GLS: variants seen among roughly 807,000 people sequenced by gnomAD.
GLS encodes glutaminase, also known as glutaminase kidney isoform, mitochondrial.
In GLS, 36 loss-of-function variants were observed where a neutral mutation model predicts 86.7. The observed-to-expected ratio is 0.42, with a 90% CI of 0.32 to 0.55. The LOEUF is 0.55. Among genes scored for constraint, GLS ranks in the 20% least tolerant of loss-of-function variants. The pLI, the probability that GLS is intolerant of heterozygous loss-of-function variation, is 0.17. For missense variants in GLS, 528 were observed against 833.4 expected, an observed-to-expected ratio of 0.63 and a Z score of 4.51; for synonymous variants, 317 against 305.9, an observed-to-expected ratio of 1.04 and a Z score of -0.38.
chr2:190,909,734 C>T (rs567565531), intron 6 of GLS, among the ~76,000 whole-genome samples: 2 of 152,102 alleles, frequency 1.3e-5, no homozygotes, highest in Non-Finnish European at 2.9e-5. Flanking sequence ...TCAGGAAATA[C>T]AGAAAGCCTA....
Position 190,955,213 on chromosome 2 carries a change from G to T in GLS, c.1853+395G>T, listed in dbSNP as rs1690831975. Among the ~76,000 whole-genome samples, 1 of 152,102 alleles carries T rather than the reference G, an allele frequency of 6.6e-6. No individual in the cohort carries two copies. Among genetic ancestry groups the T allele is most frequent in the East Asian group, 1.9e-4 (1 of 5,200 alleles). On this transcript the variant is annotated intron_variant, in intron 17 of 17. Coordinates refer to ENST00000320717, the MANE Select transcript of GLS (RefSeq NM_014905.5). This position sits in a 1 kb window ranked among gnomAD's most constrained non-coding sequence, Gnocchi z 5.6. ...TGTTACATGGGTATATAAGTGCCAT[G>T]GTGGTTTGCTGCACCCATCAACCCA...
chr2:190,918,505 AT>A (rs547604862), intron 7 of GLS, among the ~76,000 whole-genome samples: 8 of 148,566 alleles, frequency 5.4e-5, no homozygotes, highest in African/African-American at 9.9e-5. Context: ...AGCTAGTTTC[AT>A]TTTTTTTTTA....
chr2:190,927,949 T>G (rs1232952262), intron 12 of GLS, among the ~76,000 whole-genome samples: 1 of 152,198 alleles, frequency 6.6e-6, no homozygotes. Flanking sequence ...GTAAAGTATA[T>G]AGACTTTTTT....
In GLS at chr2:190,938,948, T is replaced by C. The variant is rs912065226; in HGVS notation, c.1650+7311T>C. Among the ~76,000 whole-genome samples, 1 of 151,754 alleles carries C rather than the reference T, an allele frequency of 6.6e-6. No individual in the cohort carries two copies. Among genetic ancestry groups the C allele is most frequent in the African/African-American group, 2.4e-5 (1 of 41,450 alleles). On this transcript the variant is annotated intron_variant, in intron 14 of 17. Coordinates refer to ENST00000320717, the MANE Select transcript of GLS (RefSeq NM_014905.5). This position sits in a 1 kb window ranked among gnomAD's most constrained non-coding sequence, Gnocchi z 4.1. ...GAAAACTGTAGCAGAAATGTAAATCTAAAAATAAATGTTACATCACTGGCT... is the reference window on the plus strand; with the variant it reads ...GAAAACTGTAGCAGAAATGTAAATCCAAAAATAAATGTTACATCACTGGCT...
Position 190,965,098 on chromosome 2 carries a change from G to A in GLS, c.*2112G>A, listed in dbSNP as rs1691092851. 6.6e-6 allele frequency: 1 copy of A among 152,354 alleles called. No homozygotes were observed. The highest frequency in any genetic ancestry group is 2.1e-4 in the South Asian group (1 of 4,832). The allele number at this position is 152,354 out of a possible 1,614,324, so 9.4% of individuals were successfully genotyped here. ...TAATAATATATTTGATTTAAATGCTGTTGACTGTGCTATTAACTGCTGCCG... is the reference window on the plus strand; with the variant it reads ...TAATAATATATTTGATTTAAATGCTATTGACTGTGCTATTAACTGCTGCCG... On this transcript the variant is annotated 3_prime_UTR_variant, in exon 18 of 18. Transcript: ENST00000320717. This position sits in a 1 kb window ranked among gnomAD's most constrained non-coding sequence, Gnocchi z 5.0.
rs977723062 is a variant in GLS at position 190,914,192 on chromosome 2, TTCTTTC to T, written c.1038+3877_1038+3882del. 1.2e-4 allele frequency among the ~76,000 whole-genome samples: 19 copies of T among 152,214 alleles called. No homozygotes were observed. The highest frequency in any genetic ancestry group is 4.1e-4 in the African/African-American group (17 of 41,442). ...TGAATTTTAAAAATTAGGGTTTTTT[TTCTTTC>T]TCTTTAAACAATTTGTAATCATACT... is the stretch of plus-strand genomic sequence containing the variant. On this transcript the variant is annotated intron_variant, in intron 7 of 17. Coordinates refer to ENST00000320717, the MANE Select transcript of GLS (RefSeq NM_014905.5). The surrounding 1 kb of genome is among the most constrained non-coding windows in gnomAD (Gnocchi z 4.4).
chr2:190,962,263 T>C lies in GLS; in HGVS notation c.1854-567T>C, dbSNP rs1691022007. ...TGGTGTAGTGGTCCGATTGAGTCCA[T>C]GGCTTCCCAGCCTTACCAGAGGTGA... On this transcript the variant is annotated intron_variant, in intron 17 of 17. Transcript: ENST00000320717. This position sits in a 1 kb window ranked among gnomAD's most constrained non-coding sequence, Gnocchi z 4.2. Among the ~76,000 whole-genome samples the C allele has an allele frequency of 6.6e-6, 1 of 152,214 alleles. No homozygotes were observed. The highest frequency in any genetic ancestry group is 2.1e-4 in the South Asian group (1 of 4,828).
chr2:190,942,415 A>G (rs1465541805), intron 14 of GLS, among the ~76,000 whole-genome samples: 1 of 152,086 alleles, frequency 6.6e-6, no homozygotes, highest in Non-Finnish European at 1.5e-5. Flanking sequence ...GGAGAGAATG[A>G]TTTGGTTTTT....
rs780087383 is a variant in GLS, at chr2:190,921,148, A to G, written c.1075A>G (p.Met359Val). ...ATTCCCTACTTTTGGTTTCTAGGTC[A>G]TGCAGTTTTTGAATAAGATGGCTGG... The part of the protein sequence containing the change: ...VNNAEKFDYV[M>V]QFLNKMAGNE... Residue 359 changes from methionine to valine, a missense_variant, in exon 9 of 18, where the codon ATG becomes GTG. Physicochemically the swap from Met to Val is conservative, Grantham distance 21 (BLOSUM62 1). Around this residue, in one of 4 missense-constraint regions of GLS, gnomAD observed 163 missense variants for 429.2 expected, o/e 0.38. Coordinates refer to ENST00000320717, the MANE Select transcript of GLS (RefSeq NM_014905.5). This position sits in a 1 kb window ranked among gnomAD's most constrained non-coding sequence, Gnocchi z 4.2. The G allele has an allele frequency of 5.6e-6, 9 of 1,607,242 alleles. No individual in the cohort carries two copies. Among genetic ancestry groups the G allele is most frequent in the African/African-American group, 1.3e-5 (1 of 74,730 alleles).
chr2:190,892,736 G>C (rs1688606418), intron 1 of GLS, among the ~76,000 whole-genome samples: 1 of 152,134 alleles, frequency 6.6e-6, no homozygotes, highest in South Asian at 2.1e-4. Flanking sequence ...ATCAAAATCT[G>C]AGGTTTCAAA....
intron 5 of GLS, among the ~76,000 whole-genome samples, chr2:190,902,606 G>T (rs771889076): frequency 6.6e-6 from 1 of 152,150 alleles, no homozygotes; most frequent in African/African-American, 2.4e-5. Context: ...ATGTGAGGGC[G>T]CTTTAGAAAG....
At position 190,947,896 on chromosome 2, in the gene GLS, G is replaced by A. The variant is rs980274992; in HGVS notation, c.1651-5669G>A. On this transcript the variant is annotated intron_variant, in intron 14 of 17. Coordinates refer to ENST00000320717, the MANE Select transcript of GLS (RefSeq NM_014905.5). The surrounding 1 kb of genome is among the most constrained non-coding windows in gnomAD (Gnocchi z 5.0). ...TCCAGAGGGTGTGTCAGCTTAGTTGGAAATACTCGTGGCGCTCTTTAACAG... is the reference window on the plus strand; with the variant it reads ...TCCAGAGGGTGTGTCAGCTTAGTTGAAAATACTCGTGGCGCTCTTTAACAG... Among the ~76,000 whole-genome samples, 1 of 152,134 alleles carries A rather than the reference G, an allele frequency of 6.6e-6. No homozygotes were observed. The highest frequency in any genetic ancestry group is 2.4e-5 in the African/African-American group (1 of 41,432).
intron 14 of GLS, among the ~76,000 whole-genome samples, chr2:190,946,143 A>C (rs1031357417): frequency 3.9e-5 from 6 of 152,214 alleles, no homozygotes; most frequent in Non-Finnish European, 8.8e-5. Context: ...GAAAGAGGAA[A>C]TATCTTCAAT....
chr2:190,917,835 T>A (rs754490156), intron 7 of GLS, among the ~76,000 whole-genome samples: 1 of 152,054 alleles, frequency 6.6e-6, no homozygotes, highest in Non-Finnish European at 1.5e-5. Flanking sequence ...ACACCTGTAA[T>A]CTCAGCACTT....
Position 190,962,343 on chromosome 2 carries a change from T to A in GLS, c.1854-487T>A, listed in dbSNP as rs1489247700. Among the ~76,000 whole-genome samples the A allele has an allele frequency of 1.3e-5, 2 of 152,226 alleles. No homozygotes were observed. Among genetic ancestry groups the A allele is most frequent in the Non-Finnish European group, 2.9e-5 (2 of 68,032 alleles). ...TTGCTCCTCCAGTGTGTTTTAGCCCTAATGAGGTCATGGTTATTTCTAGAC... is the reference window on the plus strand; with the variant it reads ...TTGCTCCTCCAGTGTGTTTTAGCCCAAATGAGGTCATGGTTATTTCTAGAC... On this transcript the variant is annotated intron_variant, in intron 17 of 17. Coordinates refer to ENST00000320717, the MANE Select transcript of GLS (RefSeq NM_014905.5). The surrounding 1 kb of genome is among the most constrained non-coding windows in gnomAD (Gnocchi z 4.2).
At chr2:190,936,452 C>T (rs112631218) in intron 14 of GLS, among the ~76,000 whole-genome samples, 3,887 of 151,196 alleles carry the variant, frequency 0.026, 173 homozygotes, top group African/African-American at 0.087. Flanking sequence ...ACATTGTGTA[C>T]TATGTATAAA....
chr2:190,885,585 G>C (rs1240796416), intron 1 of GLS, among the ~76,000 whole-genome samples: 1 of 152,174 alleles, frequency 6.6e-6, no homozygotes, highest in African/African-American at 2.4e-5. Flanking sequence ...AGTTGAGTTA[G>C]TATTTGGCAG....
chr2:190,938,744 GTAGT>G lies in GLS; in HGVS notation c.1650+7110_1650+7113del, dbSNP rs1322548965. Among the ~76,000 whole-genome samples the G allele has an allele frequency of 6.6e-6, 1 of 151,668 alleles. No homozygotes were observed. Among genetic ancestry groups the G allele is most frequent in the Non-Finnish European group, 1.5e-5 (1 of 67,642 alleles). On this transcript the variant is annotated intron_variant, in intron 14 of 17. Coordinates refer to ENST00000320717, the MANE Select transcript of GLS (RefSeq NM_014905.5). The surrounding 1 kb of genome is among the most constrained non-coding windows in gnomAD (Gnocchi z 4.1). The stretch of plus-strand genomic sequence containing the variant: ...TTTAATGAGAGAAGCATAATTGGCA[GTAGT>G]TAATGTGACTATAAGTTATTTGGCA...
At chr2:190,891,615 C>A (rs1242765932) in intron 1 of GLS, among the ~76,000 whole-genome samples, 1 of 151,918 alleles carries the variant, frequency 6.6e-6, no homozygotes, top group East Asian at 1.9e-4. Flanking sequence ...TATGAATTCC[C>A]CCTTTGGTAT....
Sources: allele counts gnomAD v4.1 joint callset (sites outside exome capture counted in the v4.1 genomes callset), GRCh38; gene constraint gnomAD v4.1.1; regional missense constraint gnomAD v4.1.1; non-coding constraint Gnocchi (gnomAD v3.1); transcripts MANE v1.5; gene names NCBI Gene and HGNC (gene_info 2026-07-23, HGNC 2026-07-21).